DUOXA1: variants seen among roughly 807,000 people sequenced by gnomAD.
The protein encoded by DUOXA1 is dual oxidase activator 1.
Under a neutral mutation model 26.6 loss-of-function variants are expected in DUOXA1, and 19 were observed. The ratio of observed to expected loss-of-function variants is 0.71; its 90% CI spans 0.50 to 1.05. The LOEUF (loss-of-function observed/expected upper bound fraction) is 1.05, where lower values mean the gene tolerates loss of function less well. Ranked by LOEUF, DUOXA1 falls within the 50% of genes least tolerant of loss-of-function variation. DUOXA1 has a pLI of 0.00. For synonymous variants in DUOXA1, 166 were observed against 177.0 expected (o/e 0.94, Z 0.49); for missense variants, 403 against 427.5 (o/e 0.94, Z 0.51).
Position 45,117,787 on chromosome 15 carries a change from C to A in DUOXA1, c.*1319G>T. The A allele has an allele frequency of 1.2e-6, 2 of 1,614,014 alleles. No homozygotes were observed. Among genetic ancestry groups the A allele is most frequent in the South Asian group, 1.1e-5 (1 of 91,078 alleles). ...TGTTCGGCCCAGCGCTCTTCGCACC[C>A]TTCTGGACCAAAGCGCCAAGGACTG... On this transcript the variant is annotated 3_prime_UTR_variant, in exon 9 of 9. Transcript: ENST00000560572.
chr15:45,119,433 G>A (rs1894933950), intron 8 of DUOXA1, 68 bp from the exon 9 acceptor site: 9 of 1,507,660 alleles, frequency 6.0e-6, no homozygotes, highest in Non-Finnish European at 8.0e-6. Flanking sequence ...TCTTCCCCTG[G>A]GAGTGTCAGA....
At chr15:45,121,942 C>T (rs994087236) in intron 5 of DUOXA1, among the ~76,000 whole-genome samples, 2 of 152,152 alleles carry the variant, frequency 1.3e-5, no homozygotes, top group Admixed American at 6.5e-5. Context: ...TCCTTTCCCC[C>T]GAATAAAAGT....
chr15:45,122,702 T>A (rs1895342265), intron 4 of DUOXA1, among the ~76,000 whole-genome samples, 166 bp downstream of exon 4: 1 of 152,114 alleles, frequency 6.6e-6, no homozygotes, highest in Non-Finnish European at 1.5e-5. Context: ...CGCTCAATAG[T>A]GAACTGCTGA....
intron 4 of DUOXA1, 29 bp from the exon 5 acceptor site, chr15:45,122,271 A>G (rs372522310): frequency 1.3e-6 from 2 of 1,585,952 alleles, no homozygotes; most frequent in East Asian, 2.3e-5. Flanking sequence ...GGGTTAAGTA[A>G]AGAGTGCCTT....
At chr15:45,128,641 A>C (rs1895887568) in intron 3 of DUOXA1, among the ~76,000 whole-genome samples, 1 of 152,210 alleles carries the variant, frequency 6.6e-6, no homozygotes, top group Non-Finnish European at 1.5e-5. Context: ...AAGTGGAGAA[A>C]TTGAACAAGA....
At chr15:45,122,484 C>T (rs560361218) in intron 4 of DUOXA1, among the ~76,000 whole-genome samples, 1 of 152,126 alleles carries the variant, frequency 6.6e-6, no homozygotes, top group African/African-American at 2.4e-5. Context: ...TATATCACTG[C>T]AGCCACTCAA....
At chr15:45,127,210 T>C (rs1009517211) in intron 3 of DUOXA1, among the ~76,000 whole-genome samples, 5 of 152,194 alleles carry the variant, frequency 3.3e-5, no homozygotes, top group African/African-American at 7.2e-5. Context: ...CAAGAACACA[T>C]GTGATACGCT....
intron 3 of DUOXA1, among the ~76,000 whole-genome samples, chr15:45,128,516 G>A (rs1287603245): frequency 6.6e-6 from 1 of 152,210 alleles, no homozygotes; most frequent in East Asian, 1.9e-4. Flanking sequence ...GGCTAGCTAA[G>A]GGGACCCTGT....
At chr15:45,122,298 T>G (rs1595552880) in intron 4 of DUOXA1, 56 bp from the exon 5 acceptor site, 11 of 1,534,202 alleles carry the variant, frequency 7.2e-6, no homozygotes, top group Non-Finnish European at 1.8e-6. Context: ...ACATCTACCC[T>G]TCCTGTTTCC....
Position 45,119,165 on chromosome 15 carries a change from A to C in DUOXA1, c.973T>G (p.Ser325Ala). ...KSQDIPLSEA[S>A]STKAYCKEAH... ...TCCTTACAGTATGCCTTGGTGGAGGAAGCCTCTGACAGGGGAATGTCCTGG... is the reference window on the plus strand; with the variant it reads ...TCCTTACAGTATGCCTTGGTGGAGGCAGCCTCTGACAGGGGAATGTCCTGG... The change falls in exon 9 of 9, where the codon TCC (serine) becomes GCC (alanine). Residue 325 changes from serine to alanine, a missense_variant. Coordinates refer to ENST00000560572, the MANE Select transcript of DUOXA1 (RefSeq NM_001276266.2). 6.2e-7 allele frequency: 1 copy of C among 1,610,310 alleles called. No homozygotes were observed. The highest frequency in any genetic ancestry group is 8.5e-7 in the Non-Finnish European group (1 of 1,176,822).
At chr15:45,121,991 A>G (rs188410098) in intron 5 of DUOXA1, among the ~76,000 whole-genome samples, 194 bp downstream of exon 5, 12 of 152,322 alleles carry the variant, frequency 7.9e-5, no homozygotes, top group Non-Finnish European at 1.6e-4. Context: ...CTTGTTTTCC[A>G]GGGTGACACC....
chr15:45,117,583 C>T lies in DUOXA1; in HGVS notation c.*1523G>A. The T allele has an allele frequency of 6.2e-7, 1 of 1,607,918 alleles. No individual in the cohort carries two copies. Among genetic ancestry groups the T allele is most frequent in the Non-Finnish European group, 8.5e-7 (1 of 1,176,846 alleles). ...TCCAAAAGATGGAAGAAGGCCCGGG[C>T]ATCACGCCTGTAATCCCAGCACTTT... On this transcript the variant is annotated 3_prime_UTR_variant, in exon 9 of 9. Transcript: ENST00000560572.
At chr15:45,122,571 T>TG (rs965668414) in intron 4 of DUOXA1, among the ~76,000 whole-genome samples, 13 of 150,880 alleles carry the variant, frequency 8.6e-5, no homozygotes, top group African/African-American at 2.9e-4. Context: ...TTTTTTTTTT[T>TG]AAGAGATGAG....
At chr15:45,119,926 A>G (rs564323351) in intron 8 of DUOXA1, among the ~76,000 whole-genome samples, 177 bp downstream of exon 8, 14 of 151,712 alleles carry the variant, frequency 9.2e-5, no homozygotes, top group African/African-American at 2.9e-4. Flanking sequence ...AGGGGGGGGA[A>G]GTGGCACTGG....
chr15:45,117,551 G>A lies in DUOXA1; in HGVS notation c.*1555C>T, dbSNP rs1377300926. The A allele has an allele frequency of 6.3e-7, 1 of 1,578,114 alleles. No individual in the cohort carries two copies. Among genetic ancestry groups the A allele is most frequent in the Non-Finnish European group, 8.6e-7 (1 of 1,161,198 alleles). On this transcript the variant is annotated 3_prime_UTR_variant, in exon 9 of 9. Transcript: ENST00000560572. ...GTGTGTGGCGGGAGGTAACACAAGG[G>A]GTAGGCTCCAAAAGATGGAAGAAGG...
In DUOXA1 at chr15:45,121,060, C is replaced by A. The variant is rs756331469; in HGVS notation, c.340+27G>T. The A allele has an allele frequency of 3.1e-6, 5 of 1,613,702 alleles. No homozygotes were observed. In the South Asian group the frequency reaches 4.4e-5, roughly 14 times the overall value. ...CCCAAAGATGGCAGAGCCTTCCCCC[C>A]CACCACAGGTAAGAGCCCTCCCTCA... On this transcript the variant is annotated intron_variant, in intron 6 of 8. Coordinates refer to ENST00000560572, the MANE Select transcript of DUOXA1 (RefSeq NM_001276266.2).
chr15:45,118,821 G>T lies in DUOXA1; in HGVS notation c.*285C>A. ...AATAGCATCTTGAAGAGGCAAGGCA[G>T]CACGGAAAGGCTGGGTTGCTGTGCA... is the stretch of plus-strand genomic sequence containing the variant. On this transcript the variant is annotated 3_prime_UTR_variant, in exon 9 of 9. Transcript: ENST00000560572. 5 of 1,140,044 alleles carry T rather than the reference G, an allele frequency of 4.4e-6. No individual in the cohort carries two copies. The highest frequency in any genetic ancestry group is 4.3e-6 in the Non-Finnish European group (4 of 928,848). 70.6% of individuals were successfully genotyped at this position (1,140,044 alleles called of 1,614,324 possible).
chr15:45,123,037 G>A lies in DUOXA1; in HGVS notation c.-23C>T, dbSNP rs753774651. ...CATCTTGGTGAGGTGGTGCAGGGGG[G>A]GCAATGCTGTACAACAACAATAGAC... On this transcript the variant is annotated 5_prime_UTR_variant, in exon 4 of 9. Transcript: ENST00000560572. 2 of 1,597,206 alleles carry A rather than the reference G, an allele frequency of 1.3e-6. No homozygotes were observed. Among genetic ancestry groups the A allele is most frequent in the Non-Finnish European group, 1.7e-6 (2 of 1,171,464 alleles).
intron 3 of DUOXA1, among the ~76,000 whole-genome samples, chr15:45,127,771 A>G (rs1046089274): frequency 6.6e-6 from 1 of 152,184 alleles, no homozygotes; most frequent in Non-Finnish European, 1.5e-5. Flanking sequence ...ATGTGAGAAA[A>G]TCTCATATCA....
Sources: allele counts gnomAD v4.1 joint callset (sites outside exome capture counted in the v4.1 genomes callset), GRCh38; gene constraint gnomAD v4.1.1; transcripts MANE v1.5; gene names NCBI Gene and HGNC (gene_info 2026-07-23, HGNC 2026-07-21).